The following FAM135B variants were observed in gnomAD, a reference collection of about 807,000 sequenced individuals.
FAM135B encodes family with sequence similarity 135 member B, also known as protein FAM135B.
Under a neutral mutation model 127.7 loss-of-function variants are expected in FAM135B, and 43 were observed. The ratio of observed to expected loss-of-function variants is 0.34; its 90% CI spans 0.26 to 0.43. FAM135B has a LOEUF of 0.43. Among genes scored for constraint, FAM135B ranks in the 20% least tolerant of loss-of-function variants. FAM135B has a pLI of 1.00. For missense variants in FAM135B, 1,558 were observed against 1,725.6 expected (o/e 0.90, Z 1.72); for synonymous variants, 670 against 665.1 (o/e 1.01, Z -0.11).
intron 7 of FAM135B, among the ~76,000 whole-genome samples, chr8:138,224,544 A>G (rs1239922898): frequency 6.6e-6 from 1 of 152,194 alleles, no homozygotes; most frequent in Non-Finnish European, 1.5e-5. Flanking sequence ...TTAAAGATAT[A>G]TGTGACTAAA....
At chr8:138,355,411 C>T (rs1335451100) in intron 2 of FAM135B, among the ~76,000 whole-genome samples, 1 of 152,068 alleles carries the variant, frequency 6.6e-6, no homozygotes. Flanking sequence ...GAGTTCATGT[C>T]CTTTGTAGGG....
chr8:138,416,834 G>A (rs981744378), intron 1 of FAM135B, among the ~76,000 whole-genome samples: 4 of 152,090 alleles, frequency 2.6e-5, no homozygotes, highest in African/African-American at 4.8e-5. Flanking sequence ...AAGGCTAAAA[G>A]GGGAGGAAGG....
At chr8:138,179,750 G>A (rs1221385341) in intron 9 of FAM135B, among the ~76,000 whole-genome samples, 1 of 152,136 alleles carries the variant, frequency 6.6e-6, no homozygotes, top group East Asian at 1.9e-4. Flanking sequence ...CTGGAGTGCA[G>A]TGGTGTGATC....
intron 1 of FAM135B, among the ~76,000 whole-genome samples, chr8:138,492,238 T>A (rs1393949680): frequency 1.3e-5 from 2 of 152,086 alleles, no homozygotes; most frequent in African/African-American, 4.8e-5. Flanking sequence ...CCATGACCCC[T>A]CCTTCCTCTT....
intron 2 of FAM135B, among the ~76,000 whole-genome samples, chr8:138,327,352 C>T (rs184955731): frequency 2.6e-5 from 4 of 152,038 alleles, no homozygotes; most frequent in African/African-American, 7.2e-5. Context: ...ACCTGAAGTT[C>T]GGAACAAAAA....
At chr8:138,375,716 G>A (rs1831428314) in intron 1 of FAM135B, among the ~76,000 whole-genome samples, 8 of 152,104 alleles carry the variant, frequency 5.3e-5, no homozygotes, top group Admixed American at 4.6e-4. Context: ...TGGCATGTGT[G>A]TTGGTTTCCC....
intron 1 of FAM135B, among the ~76,000 whole-genome samples, chr8:138,426,602 A>T (rs1342654646): frequency 1.3e-5 from 2 of 151,582 alleles, no homozygotes; most frequent in Non-Finnish European, 2.9e-5. Context: ...TCATAATCTA[A>T]TACTATAATT....
intron 7 of FAM135B, among the ~76,000 whole-genome samples, chr8:138,222,861 C>G (rs1819139901): frequency 6.6e-6 from 1 of 152,056 alleles, no homozygotes; most frequent in Non-Finnish European, 1.5e-5. Flanking sequence ...TGAGTACAGA[C>G]AGTTCAGAGT....
At chr8:138,364,410 G>A (rs1295376202) in intron 2 of FAM135B, among the ~76,000 whole-genome samples, 1 of 152,162 alleles carries the variant, frequency 6.6e-6, no homozygotes, top group Non-Finnish European at 1.5e-5. Context: ...AAAACAGTGT[G>A]CATCCACCTG....
chr8:138,216,522 G>A (rs1818558874), intron 7 of FAM135B, among the ~76,000 whole-genome samples: 1 of 152,162 alleles, frequency 6.6e-6, no homozygotes, highest in South Asian at 2.1e-4. Flanking sequence ...GGGGTGCTGG[G>A]TAATGCCTGT....
intron 9 of FAM135B, among the ~76,000 whole-genome samples, chr8:138,187,941 G>C (rs1458927345): frequency 6.6e-6 from 1 of 152,130 alleles, no homozygotes; most frequent in Non-Finnish European, 1.5e-5. Flanking sequence ...TCTAATATCA[G>C]GGAACCTCCA....
intron 1 of FAM135B, 22 bp from the exon 2 acceptor site, chr8:138,368,024 A>C: frequency 6.4e-7 from 1 of 1,567,644 alleles, no homozygotes; most frequent in African/African-American, 1.3e-5. Context: ...GAGAGAAATT[A>C]ACAGTTTGAG....
chr8:138,482,133 T>A, intron 1 of FAM135B, among the ~76,000 whole-genome samples: 1 of 151,928 alleles, frequency 6.6e-6, no homozygotes, highest in Non-Finnish European at 1.5e-5. Context: ...AGAGGGAGGA[T>A]GGAAAGGAAG....
Position 138,157,093 on chromosome 8 carries a change from C to A in FAM135B, c.1259-3877G>T, listed in dbSNP as rs188323764. 2.6e-5 allele frequency among the ~76,000 whole-genome samples: 4 copies of A among 152,288 alleles called. No homozygotes were observed. The East Asian group carries it at 7.7e-4, about 29-fold the overall frequency. On this transcript the variant is annotated intron_variant, in intron 12 of 19. Coordinates refer to ENST00000395297, the MANE Select transcript of FAM135B (RefSeq NM_015912.4). ...TCCAGCAGCACATCAAAAAGCTTAT[C>A]CACCACGATCAAGTTGGCTTCATCC...
At position 138,215,549 on chromosome 8, in the gene FAM135B, G is replaced by C. The variant is rs76612554; in HGVS notation, c.670-17880C>G. On this transcript the variant is annotated intron_variant, in intron 7 of 19. Coordinates refer to ENST00000395297, the MANE Select transcript of FAM135B (RefSeq NM_015912.4). Reference sequence around the variant, plus strand: ...TTACTAGATGAACAATCCTAGGCAAGTCACTTTCAGTCTCTGAGCCTCAGG... The same window carrying C: ...TTACTAGATGAACAATCCTAGGCAACTCACTTTCAGTCTCTGAGCCTCAGG... 1.5e-3 allele frequency among the ~76,000 whole-genome samples: 225 copies of C among 152,286 alleles called. 5 individuals carry two copies. In the East Asian group the frequency reaches 0.033, roughly 22 times the overall value.
chr8:138,197,821 A>G (rs1359196723), intron 7 of FAM135B, 152 bp from the exon 8 acceptor site: 1 of 745,170 alleles, frequency 1.3e-6, no homozygotes, highest in Admixed American at 3.1e-5. Context: ...AAACTGGAAC[A>G]TGGTTGAAGA....
At position 138,201,858 on chromosome 8, in the gene FAM135B, G is replaced by T. The variant is rs1020984389; in HGVS notation, c.670-4189C>A. ...AGGCACCTCTCCACTGAGTGCAGTG[G>T]CTCAGGCCTGTAATCCCAGCACTTT... On this transcript the variant is annotated intron_variant, in intron 7 of 19. Coordinates refer to ENST00000395297, the MANE Select transcript of FAM135B (RefSeq NM_015912.4). Among the ~76,000 whole-genome samples the T allele has an allele frequency of 1.1e-4, 16 of 151,986 alleles. 1 individual carries two copies. Among genetic ancestry groups the T allele is most frequent in the Admixed American group, 1.0e-3 (16 of 15,264 alleles).
At chr8:138,423,338 C>T (rs888941416) in intron 1 of FAM135B, among the ~76,000 whole-genome samples, 6 of 152,130 alleles carry the variant, frequency 3.9e-5, no homozygotes, top group Admixed American at 6.5e-5. Flanking sequence ...AGCCAGATAT[C>T]GGGCGAAATT....
intron 4 of FAM135B, among the ~76,000 whole-genome samples, chr8:138,264,673 A>G (rs1822782245): frequency 1.3e-5 from 2 of 152,212 alleles, no homozygotes; most frequent in Non-Finnish European, 2.9e-5. Context: ...AGTACTCAAT[A>G]AATTTTTGAA....
Sources: allele counts gnomAD v4.1 joint callset (sites outside exome capture counted in the v4.1 genomes callset), GRCh38; gene constraint gnomAD v4.1.1; transcripts MANE v1.5; gene names NCBI Gene and HGNC (gene_info 2026-07-23, HGNC 2026-07-21).